DSG3: variants seen among roughly 807,000 people sequenced by gnomAD.
DSG3 encodes the protein desmoglein-3.
Under a neutral mutation model 85.9 loss-of-function variants are expected in DSG3, and 63 were observed. That is an observed-to-expected ratio of 0.73 (90% CI 0.60 to 0.90). The LOEUF (loss-of-function observed/expected upper bound fraction) is 0.90. DSG3 is among the 40% of genes least tolerant of loss of function. The pLI, the probability that DSG3 is intolerant of heterozygous loss-of-function variation, is 0.00. For synonymous variants in DSG3, 447 were observed against 441.9 expected (o/e 1.01, Z -0.14); for missense variants, 1,220 against 1,219.9 (o/e 1.00, Z 0.00).
chr18:31,466,699 A>C lies in DSG3; in HGVS notation c.1581A>C (p.Ala527=). 1 of 1,614,224 alleles carries C rather than the reference A, an allele frequency of 6.2e-7. No homozygotes were observed. Among genetic ancestry groups the C allele is most frequent in the South Asian group, 1.1e-5 (1 of 91,086 alleles). ...NNRYTGPYTF[A]LEDQPVKLPA... is the part of the protein sequence containing the mutation. ...GATACACTGGCCCCTATACATTTGC[A>C]CTGGAAGATCAACCTGTAAAGTTGC... Residue 527 remains alanine, a synonymous_variant, in exon 11 of 16, where the codon GCA becomes GCC. Transcript: ENST00000257189.
chr18:31,447,744 A>G lies in DSG3; in HGVS notation c.-134A>G. On this transcript the variant is annotated 5_prime_UTR_variant, in exon 1 of 16. Coordinates refer to ENST00000257189, the MANE Select transcript of DSG3 (RefSeq NM_001944.3). ...GTTTAGGGTGGGGAGGGACCGCATAACAGACCATCTGTAGACTCCTTCGGA... is the reference window on the plus strand; with the variant it reads ...GTTTAGGGTGGGGAGGGACCGCATAGCAGACCATCTGTAGACTCCTTCGGA... The G allele has an allele frequency of 1.7e-6, 1 of 600,036 alleles. No individual in the cohort carries two copies. 37.2% of individuals were successfully genotyped at this position (600,036 alleles called of 1,614,324 possible).
chr18:31,457,547 C>CTCTTTCTTTCTT (rs757274745), intron 3 of DSG3, among the ~76,000 whole-genome samples: 1 of 122,568 alleles, frequency 8.2e-6, no homozygotes, highest in Non-Finnish European at 1.6e-5. Context: ...TTCTTTCTTT[C>CTCTTTCTTTCTT]TCTTTCTTTC....
intron 14 of DSG3, among the ~76,000 whole-genome samples, chr18:31,473,910 TA>T (rs1452048606): frequency 6.6e-6 from 1 of 152,226 alleles, no homozygotes; most frequent in Non-Finnish European, 1.5e-5. Context: ...AAAATTAGTA[TA>T]TTTTTAGAGC....
At position 31,466,438 on chromosome 18, in the gene DSG3, T is replaced by C. The variant is rs35427815; in HGVS notation, c.1412-92T>C. On this transcript the variant is annotated intron_variant, in intron 10 of 15. Transcript: ENST00000257189. Reference sequence around the variant, plus strand: ...GTATTTCATGAGAAGACACACTGAGTTGGCTACAGAAAAGAGAAATGTAAA... The same window carrying C: ...GTATTTCATGAGAAGACACACTGAGCTGGCTACAGAAAAGAGAAATGTAAA... 116,240 of 1,081,158 alleles carry C rather than the reference T, an allele frequency of 0.11. 6,680 individuals are homozygous for C. The highest frequency in any genetic ancestry group is 0.11 in the Non-Finnish European group (81,440 of 722,772). The allele number at this position is 1,081,158 out of a possible 1,614,324, so 67.0% of individuals were successfully genotyped here.
At chr18:31,453,410 G>T (rs902864140) in intron 1 of DSG3, among the ~76,000 whole-genome samples, 1 of 136,582 alleles carries the variant, frequency 7.3e-6, no homozygotes, top group Non-Finnish European at 1.6e-5. Flanking sequence ...ACAAGATCTC[G>T]GCCAAACTAA....
intron 10 of DSG3, 102 bp from the exon 11 acceptor site, chr18:31,466,428 A>T (rs2072818362): frequency 4.2e-6 from 4 of 946,020 alleles, no homozygotes; most frequent in Non-Finnish European, 6.6e-6. Context: ...TCATGAGAAG[A>T]CACACTGAGT....
intron 11 of DSG3, among the ~76,000 whole-genome samples, chr18:31,467,516 G>C (rs185664275): frequency 6.6e-5 from 10 of 152,318 alleles, no homozygotes; most frequent in Admixed American, 5.2e-4. Context: ...GGAACATTGA[G>C]AGCATAGCGG....
chr18:31,465,296 T>C (rs2144277528), intron 9 of DSG3, 22 bp from the exon 10 acceptor site: 1 of 1,371,408 alleles, frequency 7.3e-7, no homozygotes. Flanking sequence ...AGAAAACTGA[T>C]TTTTTTAATA....
chr18:31,474,552 T>C, intron 15 of DSG3, 148 bp downstream of exon 15: 1 of 1,040,514 alleles, frequency 9.6e-7, no homozygotes, highest in Non-Finnish European at 1.4e-6. Context: ...GCCAAAATAA[T>C]ACAGATAACC....
Position 31,459,917 on chromosome 18 carries a change from A to C in DSG3, c.590A>C (p.Lys197Thr), listed in dbSNP as rs762684927. ...PNHLNSKIAF[K>T]IVSQEPAGTP... ...CACTTGAATTCTAAAATTGCCTTCA[A>C]AATTGTCTCTCAGGAACCAGCAGGC... is the stretch of plus-strand genomic sequence containing the variant. The change falls in exon 6 of 16, where the codon AAA (lysine) becomes ACA (threonine). Residue 197 changes from lysine to threonine, a missense_variant. Physicochemically the swap from Lys to Thr is moderately conservative, Grantham distance 78 (BLOSUM62 -1). Coordinates refer to ENST00000257189, the MANE Select transcript of DSG3 (RefSeq NM_001944.3). The C allele has an allele frequency of 6.2e-7, 1 of 1,614,136 alleles. No individual in the cohort carries two copies.
Position 31,461,358 on chromosome 18 carries a change from G to C in DSG3, c.945G>C (p.Trp315Cys). 1 of 1,613,776 alleles carries C rather than the reference G, an allele frequency of 6.2e-7. No homozygotes were observed. The highest frequency in any genetic ancestry group is 2.2e-5 in the East Asian group (1 of 44,786). ...TTACCTCTGGGAATGAAGGAAATTG[G>C]TTTGAAATACAAACTGATCCTAGAA... ...YFFTSGNEGN[W>C]FEIQTDPRTN... The change falls in exon 8 of 16, where the codon TGG becomes TGC. Residue 315 changes from tryptophan (W) to cysteine (C), a missense_variant. Coordinates refer to ENST00000257189, the MANE Select transcript of DSG3 (RefSeq NM_001944.3).
chr18:31,475,592 G>A, intron 15 of DSG3, 54 bp from the exon 16 acceptor site: 1 of 1,575,020 alleles, frequency 6.3e-7, no homozygotes, highest in East Asian at 2.2e-5. Flanking sequence ...GTATTATATT[G>A]TTCAACTGAC....
Position 31,475,932 on chromosome 18 carries a change from A to C in DSG3, c.2672A>C (p.Gln891Pro). Reference protein sequence around the residue: ...IESCGHPIEVQQTGFVKCQTL... With the variant: ...IESCGHPIEVPQTGFVKCQTL... ...TCCTGTGGCCATCCCATAGAAGTCC[A>C]GCAGACAGGATTTGTTAAGTGCCAG... The change falls in exon 16 of 16, where the codon CAG becomes CCG. Residue 891 changes from glutamine to proline, a missense_variant. Coordinates refer to ENST00000257189, the MANE Select transcript of DSG3 (RefSeq NM_001944.3). 1 of 1,614,254 alleles carries C rather than the reference A, an allele frequency of 6.2e-7. No individual in the cohort carries two copies. Among genetic ancestry groups the C allele is most frequent in the Non-Finnish European group, 8.5e-7 (1 of 1,180,050 alleles).
At chr18:31,455,761 A>G (rs1436271342) in intron 1 of DSG3, among the ~76,000 whole-genome samples, 1 of 152,226 alleles carries the variant, frequency 6.6e-6, no homozygotes, top group Non-Finnish European at 1.5e-5. Context: ...TTTTACTGTC[A>G]TTTAATTTTT....
chr18:31,463,378 A>G lies in DSG3; in HGVS notation c.1000-733A>G, dbSNP rs16959877. ...ACTTAAATCCAGATCTCTTACTTGA[A>G]TCATTTTTAGTGATATACAGTTGTA... On this transcript the variant is annotated intron_variant, in intron 8 of 15. Coordinates refer to ENST00000257189, the MANE Select transcript of DSG3 (RefSeq NM_001944.3). 9.7e-3 allele frequency among the ~76,000 whole-genome samples: 1,484 copies of G among 152,330 alleles called. 19 individuals carry two copies. Among genetic ancestry groups the G allele is most frequent in the African/African-American group, 0.032 (1,310 of 41,578 alleles).
intron 3 of DSG3, among the ~76,000 whole-genome samples, chr18:31,457,563 T>G (rs1248862954): frequency 9.5e-6 from 1 of 105,444 alleles, no homozygotes; most frequent in Admixed American, 9.3e-5. Context: ...CTTTCTTTCT[T>G]TCTTTCTTTC....
At chr18:31,468,351 A>G (rs1358225860) in intron 11 of DSG3, among the ~76,000 whole-genome samples, 2 of 152,164 alleles carry the variant, frequency 1.3e-5, no homozygotes, top group Non-Finnish European at 2.9e-5. Flanking sequence ...CTAACACTCA[A>G]AGGGCCACAC....
rs1442952985 is a variant in DSG3 at position 31,478,463 on chromosome 18, G to A, written c.*2203G>A. ...CTATAGTAATAAAGGTTATATAAGAGAGAAATTGAAATTAAATGTGTTTTT... is the reference window on the plus strand; with the variant it reads ...CTATAGTAATAAAGGTTATATAAGAAAGAAATTGAAATTAAATGTGTTTTT... On this transcript the variant is annotated 3_prime_UTR_variant, in exon 16 of 16. Transcript: ENST00000257189. 5 of 151,968 alleles carry A rather than the reference G, an allele frequency of 3.3e-5. No individual in the cohort carries two copies. The highest frequency in any genetic ancestry group is 4.1e-4 in the South Asian group (2 of 4,826). 9.4% of individuals were successfully genotyped at this position (151,968 alleles called of 1,614,324 possible).
At chr18:31,448,428 TTAAG>T (rs2144255904) in intron 1 of DSG3, among the ~76,000 whole-genome samples, 1 of 152,328 alleles carries the variant, frequency 6.6e-6, no homozygotes, top group African/African-American at 2.4e-5. Context: ...GGGAGGATTA[TTAAG>T]TAAGTATTTA....
Sources: allele counts gnomAD v4.1 joint callset (sites outside exome capture counted in the v4.1 genomes callset), GRCh38; gene constraint gnomAD v4.1.1; transcripts MANE v1.5; gene names NCBI Gene and HGNC (gene_info 2026-07-23, HGNC 2026-07-21).